The following EYA4 variants were observed in gnomAD, a reference collection of about 807,000 sequenced individuals.
EYA4 encodes EYA transcriptional coactivator and phosphatase 4.
EYA4 carries 31 observed loss-of-function variants against 87.9 expected under a neutral mutation model. The ratio of observed to expected loss-of-function variants is 0.35; its 90% CI spans 0.27 to 0.48. The LOEUF is 0.48. EYA4 is among the 20% of genes least tolerant of loss of function. The pLI, the probability that EYA4 is intolerant of heterozygous loss-of-function variation, is 0.99. For missense variants in EYA4, 678 were observed against 761.4 expected, an observed-to-expected ratio of 0.89 and a Z score of 1.29; for synonymous variants, 263 against 270.6, an observed-to-expected ratio of 0.97 and a Z score of 0.28.
chr6:133,513,158 A>T (rs1799303066), intron 16 of EYA4, 120 bp downstream of exon 16: 1 of 1,009,752 alleles, frequency 9.9e-7, no homozygotes, highest in African/African-American at 1.6e-5. Context: ...ATATTAAACC[A>T]CATTGAGCCA....
chr6:133,407,817 A>G (rs1788855666), intron 3 of EYA4, among the ~76,000 whole-genome samples: 1 of 152,140 alleles, frequency 6.6e-6, no homozygotes, highest in South Asian at 2.1e-4. Flanking sequence ...ACCAACTCAT[A>G]TTTCTCAAAT....
At chr6:133,463,733 A>C (rs896332229) in intron 9 of EYA4, among the ~76,000 whole-genome samples, 1 of 152,196 alleles carries the variant, frequency 6.6e-6, no homozygotes, top group Non-Finnish European at 1.5e-5. Flanking sequence ...GCTGGTTACT[A>C]TCTGTCATTT....
At chr6:133,444,163 T>C (rs540488702) in intron 3 of EYA4, among the ~76,000 whole-genome samples, 1 of 152,342 alleles carries the variant, frequency 6.6e-6, no homozygotes, top group Admixed American at 6.5e-5. Flanking sequence ...CATAGACTTA[T>C]CTGTTTCTTC....
chr6:133,288,493 G>T (rs1408278094), intron 2 of EYA4, among the ~76,000 whole-genome samples: 1 of 152,160 alleles, frequency 6.6e-6, no homozygotes, highest in Admixed American at 6.5e-5. Context: ...TTAGGAGCAG[G>T]TATCAATGAC....
intron 3 of EYA4, among the ~76,000 whole-genome samples, chr6:133,412,549 T>C (rs912553670): frequency 9.2e-5 from 14 of 152,248 alleles, no homozygotes; most frequent in African/African-American, 3.4e-4. Context: ...CTTCTTTTGC[T>C]TAACTTTGTA....
At chr6:133,243,554 T>G (rs1407075812) in intron 1 of EYA4, among the ~76,000 whole-genome samples, 1 of 144,936 alleles carries the variant, frequency 6.9e-6, no homozygotes, top group Admixed American at 7.1e-5. Context: ...GACGATGGTT[T>G]TTTTGTTTGT....
chr6:133,361,339 C>A (rs1328474040), intron 2 of EYA4, among the ~76,000 whole-genome samples: 1 of 152,106 alleles, frequency 6.6e-6, no homozygotes, highest in Admixed American at 6.5e-5. Context: ...ATTTGATGTC[C>A]CTACATTCAG....
intron 3 of EYA4, among the ~76,000 whole-genome samples, chr6:133,401,878 A>G (rs159425): frequency 0.63 from 95,816 of 152,032 alleles, 34,666 homozygotes; most frequent in Non-Finnish European, 0.81. Context: ...ATTTCCCTGC[A>G]TACCTCTCTC....
chr6:133,375,894 C>T (rs964340063), intron 2 of EYA4, among the ~76,000 whole-genome samples: 13 of 151,832 alleles, frequency 8.6e-5, no homozygotes, highest in Non-Finnish European at 1.3e-4. Context: ...TACCATTCTG[C>T]TTAATCAGGC....
intron 2 of EYA4, among the ~76,000 whole-genome samples, chr6:133,290,834 A>G (rs1778430850): frequency 6.6e-6 from 1 of 152,170 alleles, no homozygotes; most frequent in East Asian, 1.9e-4. Flanking sequence ...ATTCGTTCCA[A>G]CCTTCACACA....
intron 2 of EYA4, among the ~76,000 whole-genome samples, chr6:133,339,669 T>G (rs1372769871): frequency 6.6e-6 from 1 of 152,158 alleles, no homozygotes; most frequent in Non-Finnish European, 1.5e-5. Flanking sequence ...TGGTAAGTGG[T>G]CAGGGCAGAA....
intron 5 of EYA4, 158 bp from the exon 6 acceptor site, chr6:133,456,398 C>A: frequency 1.5e-6 from 1 of 666,124 alleles, no homozygotes. Context: ...CCTCTAAATG[C>A]ATGCCCGTTT....
intron 2 of EYA4, among the ~76,000 whole-genome samples, chr6:133,321,203 A>G (rs1010127065): frequency 3.9e-5 from 6 of 152,138 alleles, no homozygotes; most frequent in African/African-American, 1.2e-4. Context: ...AACTTTGTTT[A>G]TAGTCTATTA....
intron 1 of EYA4, chr6:133,248,707 T>C (rs909376402): frequency 6.6e-6 from 1 of 152,240 alleles, no homozygotes; most frequent in Non-Finnish European, 1.5e-5. Context: ...TGTGCGGTTA[T>C]GACTCAAGTC....
intron 3 of EYA4, among the ~76,000 whole-genome samples, chr6:133,415,120 C>T (rs1374284587): frequency 6.6e-6 from 1 of 152,182 alleles, no homozygotes; most frequent in East Asian, 1.9e-4. Context: ...CAAACTCAGG[C>T]TTGGCTGCTA....
Position 133,515,340 on chromosome 6 carries a change from G to A in EYA4, c.1521G>A (p.Lys507=), listed in dbSNP as rs1799500701. 6.2e-7 allele frequency: 1 copy of A among 1,612,350 alleles called. No homozygotes were observed. The highest frequency in any genetic ancestry group is 8.5e-7 in the Non-Finnish European group (1 of 1,178,354). Residue 507 remains lysine (K), a synonymous_variant, in exon 17 of 20, where the codon AAG becomes AAA. Coordinates refer to ENST00000355286, the MANE Select transcript of EYA4 (RefSeq NM_004100.5). ...NNVGGLLGPA[K]RDAWLQLRAE... ...TTGCAGGACTCCTTGGCCCTGCCAA[G>A]AGGGATGCCTGGCTACAGTTAAGGG...
intron 2 of EYA4, among the ~76,000 whole-genome samples, chr6:133,348,500 T>C (rs1028991224): frequency 2.0e-5 from 3 of 151,868 alleles, no homozygotes; most frequent in African/African-American, 7.3e-5. Context: ...CTCCTAACCT[T>C]GTGAATCACC....
At chr6:133,520,447 C>T (rs1463635771) in intron 17 of EYA4, among the ~76,000 whole-genome samples, 2 of 115,190 alleles carry the variant, frequency 1.7e-5, no homozygotes, top group Non-Finnish European at 3.6e-5. Flanking sequence ...AGGACCTCTT[C>T]AAGGAGAACT....
chr6:133,431,713 A>G (rs1316257483), intron 3 of EYA4, among the ~76,000 whole-genome samples: 1 of 152,214 alleles, frequency 6.6e-6, no homozygotes, highest in Non-Finnish European at 1.5e-5. Flanking sequence ...TAAAGAAAGA[A>G]TTATATGGCA....
Sources: allele counts gnomAD v4.1 joint callset (sites outside exome capture counted in the v4.1 genomes callset), GRCh38; gene constraint gnomAD v4.1.1; transcripts MANE v1.5; gene names NCBI Gene and HGNC (gene_info 2026-07-23, HGNC 2026-07-21).